Variants in DHRSX observed in about 807,000 individuals in gnomAD.
DHRSX encodes the protein dehydrogenase/reductase X-linked.
A neutral mutation model predicts 34.0 loss-of-function variants in DHRSX; 31 were observed. The ratio of observed to expected loss-of-function variants is 0.91; its 90% CI spans 0.69 to 1.23. DHRSX has a LOEUF of 1.23. DHRSX is among the 50% of genes most tolerant of loss of function. The probability of loss-of-function intolerance (pLI) is 0.00; values close to 1 mark genes in which losing one functional copy is unlikely to be tolerated. For synonymous variants in DHRSX, 201 were observed against 183.8 expected (o/e 1.09, Z -0.76); for missense variants, 414 against 428.1 (o/e 0.97, Z 0.29).
chrX:2,266,927 G>A lies in DHRSX; in HGVS notation c.409C>T (p.Gln137Ter). Residue 137 changes from glutamine (Q) to a stop codon, truncating the protein, a stop_gained, in exon 5 of 7, where the codon CAG (glutamine) becomes TAG (stop). Transcript: ENST00000334651. LOFTEE classifies it high-confidence loss of function. ...TCGAATCCATCTCTGGTTTTCCTCT[G>A]AGGGACCATCATCACCCCAGCTGGA... ...INNAGVMMVP[Q>*]RKTRDGFEEH... 6.2e-7 allele frequency: 1 copy of A among 1,613,974 alleles called. No homozygotes were observed. Among genetic ancestry groups the A allele is most frequent in the Non-Finnish European group, 8.5e-7 (1 of 1,179,864 alleles).
chrX:2,405,836 T>C (rs1324670988), intron 3 of DHRSX, among the ~76,000 whole-genome samples: 1 of 145,554 alleles, frequency 6.9e-6, no homozygotes, highest in East Asian at 2.0e-4. Context: ...AATACACCCA[T>C]CCCCCACTTG....
intron 3 of DHRSX, among the ~76,000 whole-genome samples, chrX:2,312,052 A>G (rs907338599): frequency 6.6e-6 from 1 of 152,260 alleles, no homozygotes; most frequent in South Asian, 2.1e-4. Flanking sequence ...GCCACCACCC[A>G]TGCTGCAAGC....
chrX:2,451,739 AG>A (rs1476090892), intron 1 of DHRSX, among the ~76,000 whole-genome samples: 1 of 152,204 alleles, frequency 6.6e-6, no homozygotes, highest in African/African-American at 2.4e-5. Context: ...AGCAGCTTAC[AG>A]GGTGAAAAGG....
In DHRSX at chrX:2,498,782, G is replaced by C. The variant is rs767280988; in HGVS notation, c.109+2035C>G. Among the ~76,000 whole-genome samples, 12 of 152,262 alleles carry C rather than the reference G, an allele frequency of 7.9e-5. No individual in the cohort carries two copies. In the South Asian group the frequency reaches 2.3e-3, roughly 29 times the overall value. On this transcript the variant is annotated intron_variant, in intron 1 of 6. Transcript: ENST00000334651. ...GAGGTTTAAGGGGACCTTTCTGTAA[G>C]CAAAACTGCCCGGATAAACATAATC...
intron 2 of DHRSX, among the ~76,000 whole-genome samples, chrX:2,422,508 G>A (rs1447082915): frequency 2.6e-5 from 4 of 152,114 alleles, no homozygotes; most frequent in South Asian, 2.1e-4. Flanking sequence ...TGATCTGCCC[G>A]CCTCGGCTTC....
intron 3 of DHRSX, among the ~76,000 whole-genome samples, chrX:2,368,509 A>G (rs894077876): frequency 1.3e-5 from 2 of 152,092 alleles, no homozygotes; most frequent in African/African-American, 4.8e-5. Context: ...TAAACAACAA[A>G]AAACATAAAT....
chrX:2,339,178 C>A (rs1443155548), intron 3 of DHRSX, among the ~76,000 whole-genome samples: 1 of 151,896 alleles, frequency 6.6e-6, no homozygotes, highest in Non-Finnish European at 1.5e-5. Context: ...CTCTGTCAGC[C>A]AGGCTGGAGC....
At chrX:2,331,435 G>GTTTTTTTTTT (rs2042471374) in intron 3 of DHRSX, among the ~76,000 whole-genome samples, 1 of 57,888 alleles carries the variant, frequency 1.7e-5, no homozygotes, top group Non-Finnish European at 3.6e-5. Context: ...AAGGTTTTTT[G>GTTTTTTTTTT]GTTTTTTTTT....
At chrX:2,291,380 G>A in intron 4 of DHRSX, 122 bp downstream of exon 4, 1 of 754,206 alleles carries the variant, frequency 1.3e-6, no homozygotes, top group Non-Finnish European at 2.3e-6. Flanking sequence ...AGAAATAGCA[G>A]GTATGTTCAA....
chrX:2,222,041 TCCA>T (rs1176191179), intron 6 of DHRSX, among the ~76,000 whole-genome samples: 6 of 152,124 alleles, frequency 3.9e-5, no homozygotes, highest in African/African-American at 1.4e-4. Flanking sequence ...GGTGAACGTA[TCCA>T]CCATGTGGGG....
intron 2 of DHRSX, among the ~76,000 whole-genome samples, chrX:2,418,697 C>T (rs748273806): frequency 6.1e-4 from 93 of 152,286 alleles, no homozygotes; most frequent in African/African-American, 2.1e-3. Context: ...CCACTAGGCT[C>T]ACATCCAGCC....
At chrX:2,449,065 T>G (rs1026630723) in intron 1 of DHRSX, among the ~76,000 whole-genome samples, 19 of 152,082 alleles carry the variant, frequency 1.2e-4, no homozygotes, top group African/African-American at 4.1e-4. Context: ...GGCGGGCGCC[T>G]GTAATGCCAG....
intron 1 of DHRSX, among the ~76,000 whole-genome samples, chrX:2,426,178 G>A (rs1285555989): frequency 6.6e-6 from 1 of 152,168 alleles, no homozygotes; most frequent in Non-Finnish European, 1.5e-5. Flanking sequence ...TGAAAGTCAT[G>A]CATCAGAACA....
chrX:2,403,256 C>A (rs28430749), intron 3 of DHRSX, among the ~76,000 whole-genome samples: 29,226 of 151,964 alleles, frequency 0.19, 3,497 homozygotes, highest in African/African-American at 0.31. Flanking sequence ...AAATACGAGA[C>A]CTTACTCATT....
intron 3 of DHRSX, among the ~76,000 whole-genome samples, chrX:2,383,008 A>G (rs1475508891): frequency 7.3e-6 from 1 of 137,506 alleles, no homozygotes; most frequent in African/African-American, 2.8e-5. Context: ...ACCATCACCA[A>G]CATCATTATC....
At chrX:2,274,465 G>A (rs1421664418) in intron 4 of DHRSX, among the ~76,000 whole-genome samples, 2 of 151,542 alleles carry the variant, frequency 1.3e-5, no homozygotes, top group Non-Finnish European at 2.9e-5. Context: ...TGCCCAGGCT[G>A]GATTGCAGTG....
At chrX:2,367,073 T>C (rs1470184639) in intron 3 of DHRSX, among the ~76,000 whole-genome samples, 2 of 152,024 alleles carry the variant, frequency 1.3e-5, no homozygotes, top group East Asian at 1.9e-4. Context: ...CAGGAAGATA[T>C]AGGGCCCCCT....
At chrX:2,283,542 G>A (rs188434472) in intron 4 of DHRSX, among the ~76,000 whole-genome samples, 6 of 152,120 alleles carry the variant, frequency 3.9e-5, no homozygotes, top group African/African-American at 7.2e-5. Context: ...AATGCCAGGC[G>A]CCCACAAAGA....
At chrX:2,339,167 G>A (rs769963184) in intron 3 of DHRSX, among the ~76,000 whole-genome samples, 54 of 151,806 alleles carry the variant, frequency 3.6e-4, no homozygotes, top group African/African-American at 1.2e-3. Context: ...ACAGAGTCTC[G>A]CTCTGTCAGC....
Sources: allele counts gnomAD v4.1 joint callset (sites outside exome capture counted in the v4.1 genomes callset), GRCh38; gene constraint gnomAD v4.1.1; transcripts MANE v1.5; gene names NCBI Gene and HGNC (gene_info 2026-07-23, HGNC 2026-07-21).